FAT3: variants seen among roughly 807,000 people sequenced by gnomAD.
FAT3 encodes the protein protocadherin Fat 3.
A neutral mutation model predicts 310.2 loss-of-function variants in FAT3; 95 were observed. The observed-to-expected ratio is 0.31, with a 90% confidence interval of 0.26 to 0.36. The LOEUF is 0.36. FAT3 is among the 10% of genes least tolerant of loss of function. FAT3 has a pLI of 1.00. For synonymous variants in FAT3, 2,314 were observed against 2,192.9 expected, an observed-to-expected ratio of 1.06 and a Z score of -1.54; for missense variants, 5,408 against 5,715.6, an observed-to-expected ratio of 0.95 and a Z score of 1.74.
At chr11:92,296,207 G>A (rs1236177361) in intron 1 of FAT3, among the ~76,000 whole-genome samples, 6 of 152,120 alleles carry the variant, frequency 3.9e-5, no homozygotes, top group Non-Finnish European at 8.8e-5. Context: ...CGGTCTTTGG[G>A]AAGCAGTACA....
chr11:92,849,912 G>T (rs183514569), intron 19 of FAT3, among the ~76,000 whole-genome samples: 1 of 152,328 alleles, frequency 6.6e-6, no homozygotes, highest in Non-Finnish European at 1.5e-5. Context: ...GAGCTCAGTG[G>T]GGTGGGTGGT....
rs865894788 is a variant in FAT3, at chr11:92,267,598, T to C, written c.-18+42424T>C. Reference sequence around the variant, plus strand: ...AAAAAAAAAAAGTGGTGGTGGGAAATGATCCCAAAGAAAATGATCTACCAG... The same window carrying C: ...AAAAAAAAAAAGTGGTGGTGGGAAACGATCCCAAAGAAAATGATCTACCAG... On this transcript the variant is annotated intron_variant, in intron 1 of 27. Transcript: ENST00000525166. Among the ~76,000 whole-genome samples, 15 of 151,612 alleles carry C rather than the reference T, an allele frequency of 9.9e-5. No homozygotes were observed. In the Middle Eastern group the frequency reaches 0.01, roughly 105 times the overall value.
At chr11:92,491,250 C>A (rs1952590296) in intron 2 of FAT3, among the ~76,000 whole-genome samples, 1 of 152,032 alleles carries the variant, frequency 6.6e-6, no homozygotes, top group South Asian at 2.1e-4. Context: ...TTCCTCCTGT[C>A]CCTAAGGGAC....
At chr11:92,566,611 G>A (rs1018861049) in intron 3 of FAT3, among the ~76,000 whole-genome samples, 4 of 151,370 alleles carry the variant, frequency 2.6e-5, no homozygotes, top group Admixed American at 6.6e-5. Flanking sequence ...CAAAGCTGGA[G>A]GCATCACACT....
intron 2 of FAT3, among the ~76,000 whole-genome samples, chr11:92,383,479 A>G (rs944560578): frequency 1.3e-5 from 2 of 152,202 alleles, no homozygotes; most frequent in South Asian, 2.1e-4. Flanking sequence ...TTTGTCCCAC[A>G]GTGTATTTGT....
chr11:92,699,789 A>G (rs1054437585), intron 4 of FAT3, among the ~76,000 whole-genome samples: 1 of 152,202 alleles, frequency 6.6e-6, no homozygotes, highest in African/African-American at 2.4e-5. Flanking sequence ...TATAAAATAC[A>G]TGTAAAACAT....
rs764711820 is a variant in FAT3 at position 92,800,581 on chromosome 11, G to T, written c.7568G>T (p.Gly2523Val). 1 of 1,613,802 alleles carries T rather than the reference G, an allele frequency of 6.2e-7. No homozygotes were observed. The highest frequency in any genetic ancestry group is 1.7e-5 in the Admixed American group (1 of 59,998). The change falls in exon 10 of 28, where the codon GGT (glycine) becomes GTT (valine). Residue 2523 changes from glycine (G) to valine (V), a missense_variant. Gly to Val is a moderately radical substitution (Grantham distance 109). Coordinates refer to ENST00000525166, the MANE Select transcript of FAT3 (RefSeq NM_001367949.2). ...TKVIHVRATD[G>V]DPGTYGQISY... ...GTAATTCATGTTCGAGCCACAGATG[G>T]TGATCCAGGGACTTATGGGCAGATC...
intron 15 of FAT3, among the ~76,000 whole-genome samples, chr11:92,835,670 A>G (rs978769723): frequency 2.0e-5 from 3 of 152,176 alleles, no homozygotes; most frequent in East Asian, 1.9e-4. Context: ...TGATTTGTCA[A>G]TTTACAATTT....
chr11:92,630,453 C>T (rs1400605842), intron 3 of FAT3, among the ~76,000 whole-genome samples: 1 of 152,234 alleles, frequency 6.6e-6, no homozygotes, highest in Non-Finnish European at 1.5e-5. Flanking sequence ...ACCTAAGCTT[C>T]AGATTCATAG....
At chr11:92,466,937 A>G (rs1196836535) in intron 2 of FAT3, among the ~76,000 whole-genome samples, 1 of 151,962 alleles carries the variant, frequency 6.6e-6, no homozygotes, top group Non-Finnish European at 1.5e-5. Flanking sequence ...GCTGCATAGT[A>G]TTCCATGGTG....
chr11:92,447,224 T>TGTGTGC (rs1555049359), intron 2 of FAT3, among the ~76,000 whole-genome samples: 7,049 of 24,618 alleles, frequency 0.29, 311 homozygotes, highest in African/African-American at 0.3. Context: ...TATGTGTGCG[T>TGTGTGC]GTGTGTGTGT....
chr11:92,808,818 T>G (rs570758315), intron 12 of FAT3, among the ~76,000 whole-genome samples: 23 of 151,934 alleles, frequency 1.5e-4, no homozygotes, highest in Admixed American at 5.9e-4. Context: ...CCCAGCTACT[T>G]GGGAGGCTGA....
intron 2 of FAT3, among the ~76,000 whole-genome samples, chr11:92,414,834 C>A (rs921640879): frequency 3.3e-5 from 5 of 151,978 alleles, no homozygotes; most frequent in Non-Finnish European, 7.4e-5. Context: ...CACGGTGAAA[C>A]CCTGTCTCTA....
intron 1 of FAT3, among the ~76,000 whole-genome samples, chr11:92,339,829 AG>A (rs1948196949): frequency 6.6e-6 from 1 of 152,088 alleles, no homozygotes. Context: ...ACAGGAAGCC[AG>A]GGGCCAGGCG....
intron 3 of FAT3, among the ~76,000 whole-genome samples, chr11:92,533,852 G>A (rs1439406152): frequency 2.0e-5 from 3 of 152,106 alleles, no homozygotes; most frequent in African/African-American, 7.2e-5. Flanking sequence ...GCTGCATGGT[G>A]TAGCTGCTGT....
At chr11:92,724,104 T>C (rs1345677039) in intron 4 of FAT3, among the ~76,000 whole-genome samples, 3 of 152,194 alleles carry the variant, frequency 2.0e-5, no homozygotes, top group Non-Finnish European at 4.4e-5. Flanking sequence ...GTGGGTTGTG[T>C]TGTTCTTGTC....
chr11:92,263,358 A>G (rs562909415), intron 1 of FAT3, among the ~76,000 whole-genome samples: 2 of 152,034 alleles, frequency 1.3e-5, no homozygotes, highest in South Asian at 4.1e-4. Flanking sequence ...CACATATTAT[A>G]TAATGTTTGC....
chr11:92,576,160 G>A (rs1449446607), intron 3 of FAT3, among the ~76,000 whole-genome samples: 1 of 152,138 alleles, frequency 6.6e-6, no homozygotes, highest in African/African-American at 2.4e-5. Flanking sequence ...GGTCCATAAA[G>A]GCTAAACCCG....
chr11:92,506,710 C>G (rs1468920518), intron 2 of FAT3, among the ~76,000 whole-genome samples: 1 of 152,084 alleles, frequency 6.6e-6, no homozygotes, highest in Non-Finnish European at 1.5e-5. Flanking sequence ...AATGTTCTTA[C>G]AAAGGGGAAA....
Sources: gnomAD v4.1 joint callset for allele counts (sites outside exome capture counted in the v4.1 genomes callset) on GRCh38, gnomAD v4.1.1 for gene constraint, MANE v1.5 for transcripts, NCBI Gene and HGNC (gene_info 2026-07-23, HGNC 2026-07-21) for gene names.